Variants in RFX1 observed in about 807,000 individuals in gnomAD.
RFX1 encodes MHC class II regulatory factor RFX1.
In RFX1, 42 loss-of-function variants were observed where a neutral mutation model predicts 119.6. That is an observed-to-expected ratio of 0.35 (90% CI 0.27 to 0.45). RFX1 has a LOEUF of 0.45. Ranked by LOEUF, RFX1 falls within the 20% of genes least tolerant of loss-of-function variation. RFX1 has a pLI of 1.00. For missense variants in RFX1, 1,118 were observed against 1,368.1 expected (o/e 0.82, Z 2.88); for synonymous variants, 628 against 618.5 (o/e 1.02, Z -0.23).
At chr19:13,998,939 G>A (rs1206468946) in intron 1 of RFX1, among the ~76,000 whole-genome samples, 1 of 152,304 alleles carries the variant, frequency 6.6e-6, no homozygotes, top group South Asian at 2.1e-4. Flanking sequence ...TCAGGGGCAA[G>A]AAGAGGAGGC....
upstream of RFX1, chr19:14,006,487 A>C (rs1174747134): frequency 1.3e-5 from 2 of 152,274 alleles, no homozygotes; most frequent in African/African-American, 4.8e-5. Context: ...TATCAGTATG[A>C]ATGTCCATCA....
At position 13,966,324 on chromosome 19, in the gene RFX1, G is replaced by A; in HGVS notation, c.1961+97C>T. On this transcript the variant is annotated intron_variant, in intron 14 of 20. Coordinates refer to ENST00000254325, the MANE Select transcript of RFX1 (RefSeq NM_002918.5). The surrounding 1 kb of genome is among the most constrained non-coding windows in gnomAD (Gnocchi z 6.3). ...GGATATGTGTACCCCACAAACTGCA[G>A]GGGACAAGCAGGTGCCCCAACCCTG... The A allele has an allele frequency of 1.4e-6, 1 of 730,294 alleles. No homozygotes were observed. Among genetic ancestry groups the A allele is most frequent in the Non-Finnish European group, 2.4e-6 (1 of 421,092 alleles). The allele number at this position is 730,294 out of a possible 1,614,324, so 45.2% of individuals were successfully genotyped here. A position where few individuals can be genotyped will look rare whatever the true frequency, so the allele number is the denominator to read the frequency against.
chr19:13,989,258 G>A (rs1423783735), intron 2 of RFX1, among the ~76,000 whole-genome samples: 3 of 152,148 alleles, frequency 2.0e-5, no homozygotes, highest in African/African-American at 4.8e-5. Flanking sequence ...GACCAGGTAT[G>A]TGAGGGGATG....
rs1188229507 is a variant in RFX1 at position 13,963,037 on chromosome 19, G to A, written c.2727C>T (p.Phe909=). The change falls in exon 20 of 21, where the codon TTC becomes TTT. Residue 909 remains phenylalanine (F), a splice_region_variant and synonymous_variant. Transcript: ENST00000254325. The part of the protein sequence containing the change: ...GETPIAVMGE[F]ANLATSLNPL... ...GGTTCAGGGAGGTGGCCAGATTGGC[G>A]AACTGGAGGAAGAAGAGAAGAAAAT... 5 of 1,563,992 alleles carry A rather than the reference G, an allele frequency of 3.2e-6. No individual in the cohort carries two copies. The highest frequency in any genetic ancestry group is 4.3e-6 in the Non-Finnish European group (5 of 1,153,852).
Position 13,963,265 on chromosome 19 carries a change from T to C in RFX1, c.2581A>G (p.Ile861Val). The change falls in exon 19 of 21, where the codon ATC becomes GTC. Residue 861 changes from isoleucine (I) to valine (V), a missense_variant. Ile to Val is a conservative substitution (Grantham distance 29, BLOSUM62 3). Transcript: ENST00000254325. ...LKWSFYSSMV[I>V]RDLTLRSAAS... ...GCGCTGCGCAGGGTCAGGTCCCGGA[T>C]CACCATGGAGCTGGGGATGGAGACG... 1 of 1,609,888 alleles carries C rather than the reference T, an allele frequency of 6.2e-7. No individual in the cohort carries two copies. Among genetic ancestry groups the C allele is most frequent in the Non-Finnish European group, 8.5e-7 (1 of 1,179,132 alleles).
chr19:13,999,701 G>A (rs1329863190), intron 1 of RFX1, among the ~76,000 whole-genome samples: 2 of 151,412 alleles, frequency 1.3e-5, no homozygotes, highest in African/African-American at 4.9e-5. Context: ...TTGAGGCAAA[G>A]TTTCTCTTTC....
chr19:13,994,076 A>ACTG (rs1974904986), intron 1 of RFX1, among the ~76,000 whole-genome samples, 181 bp from the exon 2 acceptor site: 1 of 152,004 alleles, frequency 6.6e-6, no homozygotes, highest in African/African-American at 2.4e-5. Context: ...CCAACCCGTC[A>ACTG]CTGCAGGGGG....
Position 13,980,004 on chromosome 19 carries a change from G to A in RFX1, c.739-462C>T, listed in dbSNP as rs1440628949. Among the ~76,000 whole-genome samples the A allele has an allele frequency of 6.6e-6, 1 of 152,100 alleles. No individual in the cohort carries two copies. Among genetic ancestry groups the A allele is most frequent in the East Asian group, 1.9e-4 (1 of 5,198 alleles). On this transcript the variant is annotated intron_variant, in intron 6 of 20. Transcript: ENST00000254325. The surrounding 1 kb of genome is among the most constrained non-coding windows in gnomAD (Gnocchi z 5.1). ...GGTCTGGAGGTTCGGGGGGGCTCTA[G>A]TGCCAGGCGGGGGAGTATCTGTGAA...
chr19:13,980,643 GC>G lies in RFX1; in HGVS notation c.667del (p.Ala223ProfsTer43). ...CTGCTGTGGCACTGTGCCCGTGGGG[GC>G]CCCGGCTGTCTTGCTGGAAGAGCTG... ...ANSSSSKTAG[A>X]PTGTVPQQLQ... On this transcript the variant is annotated frameshift_variant, in exon 6 of 21. Coordinates refer to ENST00000254325, the MANE Select transcript of RFX1 (RefSeq NM_002918.5). LOFTEE classifies it high-confidence loss of function. This position sits in a 1 kb window ranked among gnomAD's most constrained non-coding sequence, Gnocchi z 5.1. 1 of 1,588,644 alleles carries G rather than the reference GC, an allele frequency of 6.3e-7. No homozygotes were observed.
At chr19:13,979,580 AC>A (rs1974365537) in intron 6 of RFX1, 38 bp from the exon 7 acceptor site, 2 of 1,479,542 alleles carry the variant, frequency 1.4e-6, no homozygotes, top group Non-Finnish European at 1.9e-6. Context: ...GACCATGGCA[AC>A]GATGGCCGTC....
intron 1 of RFX1, among the ~76,000 whole-genome samples, chr19:13,995,289 G>GGGAGCCTA (rs1974970104): frequency 1.3e-5 from 2 of 152,044 alleles, no homozygotes; most frequent in Admixed American, 1.3e-4. Context: ...AGGGACCCGT[G>GGGAGCCTA]CCAGTTCCCT....
intron 12 of RFX1, among the ~76,000 whole-genome samples, chr19:13,967,035 C>T (rs1028601756): frequency 1.7e-4 from 26 of 152,162 alleles, no homozygotes; most frequent in African/African-American, 5.6e-4. Flanking sequence ...CCGGCTGCAA[C>T]ACAGCACCCA....
rs8106446 is a variant in RFX1, at chr19:13,997,149, G to A, written c.-52-3254C>T. Among the ~76,000 whole-genome samples the A allele has an allele frequency of 8.7e-3, 1,320 of 152,272 alleles. 25 individuals carry two copies. Among genetic ancestry groups the A allele is most frequent in the African/African-American group, 0.03 (1,247 of 41,560 alleles). On this transcript the variant is annotated intron_variant, in intron 1 of 20. Transcript: ENST00000254325. ...AGTTAAGGGCAGCAGAACTGGCAAG[G>A]GGGAAGCCGGCCCAAGCAGCCCAGG...
chr19:13,983,661 C>G, intron 2 of RFX1, 66 bp from the exon 3 acceptor site: 1 of 1,364,854 alleles, frequency 7.3e-7, no homozygotes, highest in Non-Finnish European at 1.0e-6. Context: ...GCCTGAGCCC[C>G]CCTGGAGGGG....
chr19:13,966,592 C>CCCTCCCA lies in RFX1; in HGVS notation c.1851+40_1851+41insTGGGAGG. ...CAGCATGGCCCTCCCATGCCCGTGG[C>CCCTCCCA]TGCGTCCCCGTCCACTTGCCTGCCC... On this transcript the variant is annotated intron_variant, in intron 13 of 20. Coordinates refer to ENST00000254325, the MANE Select transcript of RFX1 (RefSeq NM_002918.5). The surrounding 1 kb of genome is among the most constrained non-coding windows in gnomAD (Gnocchi z 6.3). 1 of 1,542,356 alleles carries CCCTCCCA rather than the reference C, an allele frequency of 6.5e-7. No homozygotes were observed. The highest frequency in any genetic ancestry group is 8.8e-7 in the Non-Finnish European group (1 of 1,132,538).
At position 13,980,610 on chromosome 19, in the gene RFX1, A is replaced by G. The variant is rs1426846404; in HGVS notation, c.701T>C (p.Val234Ala). ...PTGTVPQQLQ[V>A]HGVQQSVPVT... ...GGGGACACTCTGCTGGACGCCGTGG[A>G]CCTGCAGCTGCTGTGGCACTGTGCC... The change falls in exon 6 of 21, where the codon GTC becomes GCC. Residue 234 changes from valine to alanine, a missense_variant. Physicochemically the swap from Val to Ala is moderately conservative, Grantham distance 64. Transcript: ENST00000254325. The surrounding 1 kb of genome is among the most constrained non-coding windows in gnomAD (Gnocchi z 5.1). 5.1e-6 allele frequency: 8 copies of G among 1,581,080 alleles called. No individual in the cohort carries two copies. Among genetic ancestry groups the G allele is most frequent in the Non-Finnish European group, 6.8e-6 (8 of 1,170,562 alleles).
intron 1 of RFX1, among the ~76,000 whole-genome samples, chr19:14,002,314 CAA>C (rs753879311): frequency 2.9e-4 from 16 of 55,676 alleles, no homozygotes; most frequent in Admixed American, 4.3e-4. Flanking sequence ...GACTCTGTCT[CAA>C]AAAAAAAAAA....
rs1295503176 is a variant in RFX1 at position 13,963,054 on chromosome 19, G to A, written c.2725-15C>T. 3.8e-6 allele frequency: 6 copies of A among 1,579,916 alleles called. No homozygotes were observed. Among genetic ancestry groups the A allele is most frequent in the Non-Finnish European group, 5.2e-6 (6 of 1,162,594 alleles). ...AGATTGGCGAACTGGAGGAAGAAGA[G>A]AAGAAAATGGGTGAGGGTCCCGCCG... is the stretch of plus-strand genomic sequence containing the variant. On this transcript the variant is annotated splice_polypyrimidine_tract_variant and intron_variant, in intron 19 of 20. Coordinates refer to ENST00000254325, the MANE Select transcript of RFX1 (RefSeq NM_002918.5).
At chr19:14,000,667 C>T (rs1435482423) in intron 1 of RFX1, among the ~76,000 whole-genome samples, 1 of 152,044 alleles carries the variant, frequency 6.6e-6, no homozygotes, top group East Asian at 1.9e-4. Context: ...GCATAGTACC[C>T]GACACCTGAA....
Sources: allele counts gnomAD v4.1 joint callset (sites outside exome capture counted in the v4.1 genomes callset), GRCh38; gene constraint gnomAD v4.1.1; non-coding constraint Gnocchi (gnomAD v3.1); transcripts MANE v1.5; gene names NCBI Gene and HGNC (gene_info 2026-07-23, HGNC 2026-07-21).